SCHIP1: variants seen among roughly 807,000 people sequenced by gnomAD.
SCHIP1 encodes schwannomin-interacting protein 1.
A neutral mutation model predicts 29.7 loss-of-function variants in SCHIP1; 8 were observed. The ratio of observed to expected loss-of-function variants is 0.27; its 90% CI spans 0.16 to 0.49. The LOEUF is 0.49. Among genes scored for constraint, SCHIP1 ranks in the 20% least tolerant of loss-of-function variants. The pLI is 0.99. For missense variants in SCHIP1, 193 were observed against 294.6 expected, an observed-to-expected ratio of 0.66 and a Z score of 2.52; for synonymous variants, 76 against 94.9, an observed-to-expected ratio of 0.80 and a Z score of 1.16.
At chr3:159,496,563 T>C in the SCHIP1 span, among the ~76,000 whole-genome samples, 1 of 152,194 alleles carries the variant, frequency 6.6e-6, no homozygotes, top group Admixed American at 6.5e-5. Context: ...AGATACCATC[T>C]CACTCCAGTT....
chr3:159,278,475 T>C, the SCHIP1 span, among the ~76,000 whole-genome samples: 2 of 152,184 alleles, frequency 1.3e-5, no homozygotes, highest in Non-Finnish European at 2.9e-5. Context: ...AAAAAAGAAA[T>C]GAAAAATTTA....
At chr3:159,740,771 G>GAA in the SCHIP1 span, among the ~76,000 whole-genome samples, 39,204 of 104,676 alleles carry the variant, frequency 0.37, 8,647 homozygotes, top group Non-Finnish European at 0.46. Flanking sequence ...CAAAAAAAAA[G>GAA]AAAAAAAAAA....
At chr3:159,415,786 T>C in the SCHIP1 span, among the ~76,000 whole-genome samples, 41 of 152,198 alleles carry the variant, frequency 2.7e-4, no homozygotes, top group Non-Finnish European at 5.4e-4. Context: ...AAATTAAATA[T>C]TGAAATGAAA....
the SCHIP1 span, among the ~76,000 whole-genome samples, chr3:159,631,430 GA>G: frequency 6.6e-6 from 1 of 152,132 alleles, no homozygotes; most frequent in Non-Finnish European, 1.5e-5. Flanking sequence ...CCAAAAGGTA[GA>G]AACAAGTGTT....
chr3:159,541,915 G>A, the SCHIP1 span, among the ~76,000 whole-genome samples: 8 of 151,970 alleles, frequency 5.3e-5, no homozygotes, highest in Non-Finnish European at 1.0e-4. Context: ...GAAATATGTC[G>A]CACACATTTT....
chr3:159,462,096 G>C, the SCHIP1 span, among the ~76,000 whole-genome samples: 1 of 151,978 alleles, frequency 6.6e-6, no homozygotes, highest in Non-Finnish European at 1.5e-5. Flanking sequence ...TGTAATCCTA[G>C]CTACTTGGGA....
the SCHIP1 span, among the ~76,000 whole-genome samples, chr3:159,383,769 C>T: frequency 2.4e-4 from 35 of 145,856 alleles, no homozygotes; most frequent in Admixed American, 5.6e-4. Flanking sequence ...TTGTTTGTAT[C>T]CTCTTTTATT....
At chr3:159,713,224 GAAAGAAAGGAAGAAAGAA>G in the SCHIP1 span, among the ~76,000 whole-genome samples, 1,242 of 121,380 alleles carry the variant, frequency 0.01, 13 homozygotes, top group African/African-American at 0.018. Flanking sequence ...GAGAGAGAGA[GAAAGAAAGGAAGAAAGAA>G]AGAAAGAAAG....
the SCHIP1 span, among the ~76,000 whole-genome samples, chr3:159,402,679 G>C: frequency 6.6e-6 from 1 of 152,052 alleles, no homozygotes; most frequent in Non-Finnish European, 1.5e-5. Flanking sequence ...ACTATTGCAA[G>C]GACAAAAAAC....
the SCHIP1 span, among the ~76,000 whole-genome samples, chr3:159,533,759 A>G: frequency 6.6e-6 from 1 of 152,158 alleles, no homozygotes; most frequent in African/African-American, 2.4e-5. Context: ...AGTTCTAATC[A>G]CGTGGTTTTC....
the SCHIP1 span, among the ~76,000 whole-genome samples, chr3:159,394,948 A>G: frequency 3.0e-4 from 46 of 151,582 alleles, no homozygotes; most frequent in Admixed American, 2.8e-3. Context: ...CTGGGCCTGG[A>G]CTCTTTTTGG....
At chr3:159,472,253 G>A in the SCHIP1 span, among the ~76,000 whole-genome samples, 1 of 152,130 alleles carries the variant, frequency 6.6e-6, no homozygotes, top group East Asian at 1.9e-4. Context: ...TGTGTGTAGA[G>A]AAAAAGACAG....
At chr3:159,422,351 A>G in the SCHIP1 span, among the ~76,000 whole-genome samples, 1 of 152,226 alleles carries the variant, frequency 6.6e-6, no homozygotes, top group Admixed American at 6.5e-5. Flanking sequence ...TATCTAGCAA[A>G]TGCTTTGCTA....
the SCHIP1 span, among the ~76,000 whole-genome samples, chr3:159,810,952 T>C: frequency 6.6e-6 from 1 of 152,258 alleles, no homozygotes; most frequent in African/African-American, 2.4e-5. Context: ...GGTTTTTTCA[T>C]ATTCTTATCA....
the SCHIP1 span, among the ~76,000 whole-genome samples, chr3:159,421,475 T>C: frequency 1.3e-5 from 2 of 152,168 alleles, no homozygotes; most frequent in Non-Finnish European, 2.9e-5. Flanking sequence ...TTCTTTACTC[T>C]AGGAATCTAT....
chr3:159,720,241 G>A, the SCHIP1 span, among the ~76,000 whole-genome samples: 1 of 126,854 alleles, frequency 7.9e-6, no homozygotes, highest in Non-Finnish European at 1.7e-5. Flanking sequence ...GGTGGGGGGA[G>A]GGGGGAGGGG....
At chr3:159,800,199 C>G in the SCHIP1 span, among the ~76,000 whole-genome samples, 1 of 152,156 alleles carries the variant, frequency 6.6e-6, no homozygotes, top group Non-Finnish European at 1.5e-5. Flanking sequence ...TGAATGTAAA[C>G]AAAACACAGA....
the SCHIP1 span, among the ~76,000 whole-genome samples, chr3:159,415,718 A>G: frequency 6.6e-6 from 1 of 152,162 alleles, no homozygotes; most frequent in Non-Finnish European, 1.5e-5. Context: ...GTTAATTCCA[A>G]TGTCTTTGCT....
At chr3:159,687,043 T>G in the SCHIP1 span, among the ~76,000 whole-genome samples, 1 of 152,190 alleles carries the variant, frequency 6.6e-6, no homozygotes, top group Non-Finnish European at 1.5e-5. Flanking sequence ...ACTATAAGAC[T>G]TCTTTATGTC....
Sources: gnomAD v4.1 joint callset for allele counts (sites outside exome capture counted in the v4.1 genomes callset) on GRCh38, gnomAD v4.1.1 for gene constraint, MANE v1.5 for transcripts, NCBI Gene and HGNC (gene_info 2026-07-23, HGNC 2026-07-21) for gene names.